ZNF195: variants seen among roughly 807,000 people sequenced by gnomAD.
ZNF195 encodes hypoxia-regulated factor-1.
Under a neutral mutation model 19.5 loss-of-function variants are expected in ZNF195, and 11 were observed. That is an observed-to-expected ratio of 0.57 (90% CI 0.36 to 0.94). The LOEUF (loss-of-function observed/expected upper bound fraction) is 0.94, where lower values mean the gene tolerates loss of function less well. ZNF195 is among the 40% of genes least tolerant of loss of function. ZNF195 has a pLI of 0.01. For synonymous variants in ZNF195, 214 were observed against 248.1 expected, an observed-to-expected ratio of 0.86 and a Z score of 1.29; for missense variants, 582 against 709.0, an observed-to-expected ratio of 0.82 and a Z score of 2.03.
At chr11:3,371,408 A>G (rs1296486789) in intron 2 of ZNF195, among the ~76,000 whole-genome samples, 169 bp downstream of exon 2, 3 of 98,756 alleles carry the variant, frequency 3.0e-5, no homozygotes, top group East Asian at 5.2e-4. Context: ...GATGAACCAC[A>G]TTTTGAAGAT....
intron 3 of ZNF195, chr11:3,362,466 A>T (rs1848680251): frequency 4.9e-6 from 2 of 405,732 alleles, no homozygotes; most frequent in Non-Finnish European, 9.0e-6. Context: ...TAGGGATATC[A>T]GTAACAAAGT....
intron 1 of ZNF195, among the ~76,000 whole-genome samples, chr11:3,376,469 T>G (rs1589821143): frequency 6.6e-6 from 1 of 152,256 alleles, no homozygotes; most frequent in Admixed American, 6.5e-5. Context: ...AGGCCTTCGA[T>G]TGCTTTCTTT....
intron 1 of ZNF195, chr11:3,373,517 TA>T: frequency 7.2e-7 from 1 of 1,381,284 alleles, no homozygotes; most frequent in Non-Finnish European, 1.0e-6. Context: ...TTCCAAATTC[TA>T]AACACATGAC....
intron 1 of ZNF195, 134 bp from the exon 2 acceptor site, chr11:3,371,837 ACT>A: frequency 9.4e-7 from 1 of 1,062,882 alleles, no homozygotes; most frequent in East Asian, 2.6e-5. Context: ...ATACTCTCTA[ACT>A]CTGAGGAAAG....
intron 1 of ZNF195, chr11:3,377,990 T>C: frequency 2.1e-6 from 2 of 938,126 alleles, no homozygotes; most frequent in Non-Finnish European, 2.5e-6. Context: ...GTGGAATGAT[T>C]ACAAACAGAA....
Position 3,359,324 on chromosome 11 carries a change from A to C in ZNF195, c.1684T>G (p.Phe562Val), listed in dbSNP as rs747920643. 9 of 1,613,554 alleles carry C rather than the reference A, an allele frequency of 5.6e-6. No homozygotes were observed. The highest frequency in any genetic ancestry group is 7.6e-6 in the Non-Finnish European group (9 of 1,179,828). The change falls in exon 6 of 6, where the codon TTC (phenylalanine) becomes GTC (valine). Residue 562 changes from phenylalanine to valine, a missense_variant. Transcript: ENST00000399602. This position sits in a 1 kb window ranked among gnomAD's most constrained non-coding sequence, Gnocchi z 5.5. ...TTCTTATGTTTGGTAATGTCTGAGA[A>C]CCACATGAAGACTCTGCCACATTCT... ...CEECGRVFMW[F>V]SDITKHKKTH... is the part of the protein sequence containing the mutation.
Position 3,371,632 on chromosome 11 carries a change from C to T in ZNF195, c.75G>A (p.Gln25=), listed in dbSNP as rs777120169. The T allele has an allele frequency of 8.1e-6, 13 of 1,613,974 alleles. No homozygotes were observed. The highest frequency in any genetic ancestry group is 1.7e-5 in the Admixed American group (1 of 59,988). The change falls in exon 2 of 6, where the codon CAG becomes CAA. Residue 25 remains glutamine, a synonymous_variant. Coordinates refer to ENST00000399602, the MANE Select transcript of ZNF195 (RefSeq NM_001130520.3). ...ACATCACATCCCTGTACAAATTCTG[C>T]TGAGCGAGGTCCAGGCATTTCCACT... ...LEEWKCLDLA[Q]QNLYRDVMLE...
At chr11:3,372,558 TATCTCCCA>T (rs1488198628) in intron 1 of ZNF195, among the ~76,000 whole-genome samples, 1 of 117,584 alleles carries the variant, frequency 8.5e-6, no homozygotes, top group East Asian at 5.2e-4. Flanking sequence ...GACAAATAAA[TATCTCCCA>T]GGTTCTGACA....
At chr11:3,369,654 C>A (rs150282638) in intron 3 of ZNF195, among the ~76,000 whole-genome samples, 3 of 152,190 alleles carry the variant, frequency 2.0e-5, no homozygotes, top group Non-Finnish European at 2.9e-5. Context: ...AGAGACTGCA[C>A]GTTCCCCCTC....
chr11:3,362,483 C>A, intron 3 of ZNF195: 1 of 419,950 alleles, frequency 2.4e-6, no homozygotes, highest in South Asian at 5.4e-5. Context: ...AAGTTGAGGG[C>A]AGATTTAATA....
chr11:3,369,240 T>C, intron 3 of ZNF195: 1 of 228,482 alleles, frequency 4.4e-6, no homozygotes, highest in South Asian at 5.3e-5. Context: ...ACTAACAATG[T>C]TGATAAGGAT....
intron 3 of ZNF195, among the ~76,000 whole-genome samples, chr11:3,364,990 T>C (rs1277478259): frequency 6.6e-6 from 1 of 152,020 alleles, no homozygotes; most frequent in African/African-American, 2.4e-5. Flanking sequence ...CACAATCAGG[T>C]GGGGTGGTTA....
intron 2 of ZNF195, 35 bp downstream of exon 2, chr11:3,371,542 G>T: frequency 6.2e-7 from 1 of 1,613,708 alleles, no homozygotes; most frequent in Non-Finnish European, 8.5e-7. Flanking sequence ...ACTCTTTAGG[G>T]CATAGGAGGA....
At chr11:3,368,023 C>G (rs1295660440) in intron 3 of ZNF195, among the ~76,000 whole-genome samples, 1 of 151,870 alleles carries the variant, frequency 6.6e-6, no homozygotes. Context: ...GGTTGCAGTG[C>G]CGAGATCGCG....
chr11:3,361,520 G>A (rs1352853602), intron 4 of ZNF195, among the ~76,000 whole-genome samples: 1 of 151,892 alleles, frequency 6.6e-6, no homozygotes, highest in East Asian at 1.9e-4. Flanking sequence ...AAGACATGAA[G>A]TATGAAAAAC....
chr11:3,369,900 G>A (rs1202098443), intron 3 of ZNF195, among the ~76,000 whole-genome samples: 1 of 152,180 alleles, frequency 6.6e-6, no homozygotes, highest in Non-Finnish European at 1.5e-5. Flanking sequence ...AGGTAATTAC[G>A]TGAAGTGATA....
chr11:3,376,132 C>G (rs930716003), intron 1 of ZNF195, among the ~76,000 whole-genome samples: 12 of 152,186 alleles, frequency 7.9e-5, no homozygotes, highest in Admixed American at 3.9e-4. Flanking sequence ...CCAACTCTAA[C>G]TGCATCTGCC....
intron 3 of ZNF195, among the ~76,000 whole-genome samples, chr11:3,370,734 G>T (rs1849164182): frequency 6.6e-6 from 1 of 152,218 alleles, no homozygotes; most frequent in South Asian, 2.1e-4. Context: ...TCAGGAGGAG[G>T]ACTCTGATTT....
At position 3,358,038 on chromosome 11, in the gene ZNF195, C is replaced by T. The variant is rs7101832; in HGVS notation, c.*1080G>A. 0.61 allele frequency: 92,154 copies of T among 151,218 alleles called. 29,441 individuals carry two copies. The highest frequency in any genetic ancestry group is 0.72 in the Middle Eastern group (213 of 294). The allele number at this position is 151,218 out of a possible 1,614,324, so 9.4% of individuals were successfully genotyped here. ...ATAGGGCCAGAACTAGGTCGGGGTGCGGGAGCTGAGTTGGGGGTGCAGGAG... is the reference window on the plus strand; with the variant it reads ...ATAGGGCCAGAACTAGGTCGGGGTGTGGGAGCTGAGTTGGGGGTGCAGGAG... On this transcript the variant is annotated 3_prime_UTR_variant, in exon 6 of 6. Coordinates refer to ENST00000399602, the MANE Select transcript of ZNF195 (RefSeq NM_001130520.3).
Sources: allele counts gnomAD v4.1 joint callset (sites outside exome capture counted in the v4.1 genomes callset), GRCh38; gene constraint gnomAD v4.1.1; non-coding constraint Gnocchi (gnomAD v3.1); transcripts MANE v1.5; gene names NCBI Gene and HGNC (gene_info 2026-07-23, HGNC 2026-07-21).